TMEM127: variants seen among roughly 807,000 people sequenced by gnomAD.
TMEM127 encodes the protein transmembrane protein 127.
In TMEM127, 21 loss-of-function variants were observed where a neutral mutation model predicts 20.1. That is an observed-to-expected ratio of 1.04 (90% confidence interval 0.74 to 1.50). The LOEUF (loss-of-function observed/expected upper bound fraction) is 1.50, where lower values mean the gene tolerates loss of function less well. Ranked by LOEUF, TMEM127 falls within the 40% of genes most tolerant of loss-of-function variation. The pLI is 0.00. For missense variants in TMEM127, 303 were observed against 317.4 expected, an observed-to-expected ratio of 0.95 and a Z score of 0.34; for synonymous variants, 150 against 144.7, an observed-to-expected ratio of 1.04 and a Z score of -0.26.
chr2:96,248,712 A>T lies in TMEM127; in HGVS notation c.*5096T>A, dbSNP rs561014740. On this transcript the variant is annotated 3_prime_UTR_variant, in exon 4 of 4. Transcript: ENST00000258439. ...GAGGCCCTTTACAAGGCTAGCTGCC[A>T]TTTTCTACCAAGACAGAAGGACAGG... The T allele has an allele frequency of 1.1e-3, 254 of 228,530 alleles. 1 individual carries two copies. Among genetic ancestry groups the T allele is most frequent in the African/African-American group, 5.2e-3 (236 of 45,140 alleles). The allele number at this position is 228,530 out of a possible 1,614,324, so 14.2% of individuals were successfully genotyped here. A position where few individuals can be genotyped will look rare whatever the true frequency, so the allele number is the denominator to read the frequency against.
Position 96,251,073 on chromosome 2 carries a change from A to G in TMEM127, c.*2735T>C. On this transcript the variant is annotated 3_prime_UTR_variant, in exon 4 of 4. Coordinates refer to ENST00000258439, the MANE Select transcript of TMEM127 (RefSeq NM_017849.4). ...TGCAGCCTGAAGAGCTCAGGGTTTG[A>G]AGGTTGGGCCTTGGGCGGGAGTCAG... The G allele has an allele frequency of 4.6e-6, 1 of 218,644 alleles. No homozygotes were observed. The highest frequency in any genetic ancestry group is 9.2e-6 in the Non-Finnish European group (1 of 108,856). The allele number at this position is 218,644 out of a possible 1,614,324, so 13.5% of individuals were successfully genotyped here. A position where few individuals can be genotyped will look rare whatever the true frequency, so the allele number is the denominator to read the frequency against.
Position 96,253,861 on chromosome 2 carries a change from C to T in TMEM127, c.664G>A (p.Ala222Thr), listed in dbSNP as rs747098700. ...SEMEENEPYP[A>T]EYEVINQFQP... ...AACTGGTTGATGACCTCATATTCCG[C>T]CGGGTAGGGCTCGTTCTCTTCCATC... The change falls in exon 4 of 4, where the codon GCG becomes ACG. Residue 222 changes from alanine to threonine, a missense_variant. Ala to Thr is a moderately conservative substitution (Grantham distance 58). Coordinates refer to ENST00000258439, the MANE Select transcript of TMEM127 (RefSeq NM_017849.4). This position sits in a 1 kb window ranked among gnomAD's most constrained non-coding sequence, Gnocchi z 4.3. The T allele has an allele frequency of 6.2e-7, 1 of 1,613,986 alleles. No homozygotes were observed. Among genetic ancestry groups the T allele is most frequent in the Admixed American group, 1.7e-5 (1 of 60,004 alleles).
chr2:96,253,559 C>T lies in TMEM127; in HGVS notation c.*249G>A, dbSNP rs886056446. ...GATGACCTTCCCTGGCTGGTAATGA[C>T]TCGTGAATGTGAAGGGGGCAGGATG... On this transcript the variant is annotated 3_prime_UTR_variant, in exon 4 of 4. Coordinates refer to ENST00000258439, the MANE Select transcript of TMEM127 (RefSeq NM_017849.4). The surrounding 1 kb of genome is among the most constrained non-coding windows in gnomAD (Gnocchi z 4.3). The T allele has an allele frequency of 1.9e-6, 1 of 525,252 alleles. No individual in the cohort carries two copies. The highest frequency in any genetic ancestry group is 3.4e-6 in the Non-Finnish European group (1 of 296,362). The allele number at this position is 525,252 out of a possible 1,614,324, so 32.5% of individuals were successfully genotyped here.
rs1161989972 is a variant in TMEM127, at chr2:96,249,639, C to T, written c.*4169G>A. ...TTTCTCTTCTCCACAAACCTCCTGC[C>T]TCCCATTAAAATGTCACTCCCCCCA... On this transcript the variant is annotated 3_prime_UTR_variant, in exon 4 of 4. Coordinates refer to ENST00000258439, the MANE Select transcript of TMEM127 (RefSeq NM_017849.4). 1 of 232,816 alleles carries T rather than the reference C, an allele frequency of 4.3e-6. No homozygotes were observed. The highest frequency in any genetic ancestry group is 8.5e-6 in the Non-Finnish European group (1 of 117,844). 14.4% of individuals were successfully genotyped at this position (232,816 alleles called of 1,614,324 possible).
intron 2 of TMEM127, 42 bp from the exon 3 acceptor site, chr2:96,255,039 T>G: frequency 6.2e-7 from 1 of 1,612,920 alleles, no homozygotes; most frequent in South Asian, 1.1e-5. Context: ...CAAGTAACAC[T>G]TGGTGCAGGA....
chr2:96,265,190 C>G lies in TMEM127; in HGVS notation c.192G>C (p.Gln64His), dbSNP rs1684389208. ...LHIHGGTCSR[Q>H]ELGVSDVLGY... Reference sequence around the variant, plus strand: ...CCAACACGTCGGAGACCCCCAGCTCCTGGCGCGAACAGGTGCCTCCGTGGA... The same window carrying G: ...CCAACACGTCGGAGACCCCCAGCTCGTGGCGCGAACAGGTGCCTCCGTGGA... Residue 64 changes from glutamine to histidine, a missense_variant, in exon 2 of 4, where the codon CAG becomes CAC. Physicochemically the swap from Gln to His is conservative, Grantham distance 24. Transcript: ENST00000258439. 3.1e-6 allele frequency: 5 copies of G among 1,609,788 alleles called. No homozygotes were observed. Among genetic ancestry groups the G allele is most frequent in the Non-Finnish European group, 4.2e-6 (5 of 1,179,216 alleles).
chr2:96,260,513 C>A (rs1049444761), intron 2 of TMEM127: 1 of 152,216 alleles, frequency 6.6e-6, no homozygotes, highest in Non-Finnish European at 1.5e-5. Flanking sequence ...TGTGCTCTGG[C>A]CTGTTGATTT....
At chr2:96,256,590 AG>A (rs1333203122) in intron 2 of TMEM127, among the ~76,000 whole-genome samples, 1 of 151,628 alleles carries the variant, frequency 6.6e-6, no homozygotes, top group Non-Finnish European at 1.5e-5. Context: ...AAAAAAAAAA[AG>A]TTAAAATGCT....
At position 96,253,351 on chromosome 2, in the gene TMEM127, T is replaced by TG. The variant is rs1558751437; in HGVS notation, c.*456dup. The TG allele has an allele frequency of 8.1e-6, 2 of 245,510 alleles. No individual in the cohort carries two copies. Among genetic ancestry groups the TG allele is most frequent in the African/African-American group, 2.2e-5 (1 of 45,494 alleles). 15.2% of individuals were successfully genotyped at this position (245,510 alleles called of 1,614,324 possible). ...GGGTCACTCCGAGAAGGAAGGGGTC[T>TG]GGGGGGCGTCAGCCCAGAGCTACAG... On this transcript the variant is annotated 3_prime_UTR_variant, in exon 4 of 4. Transcript: ENST00000258439. This position sits in a 1 kb window ranked among gnomAD's most constrained non-coding sequence, Gnocchi z 4.3.
Position 96,265,363 on chromosome 2 carries a change from C to A in TMEM127, c.19G>T (p.Ala7Ser). MYAPGG[A>S]GLPGGRRRRS... Reference sequence around the variant, plus strand: ...CGCCGGCGCCCGCCGGGCAGCCCTGCGCCTCCGGGGGCGTACATGCCCGGG... The same window carrying A: ...CGCCGGCGCCCGCCGGGCAGCCCTGAGCCTCCGGGGGCGTACATGCCCGGG... The change falls in exon 2 of 4, where the codon GCA becomes TCA. Residue 7 changes from alanine to serine, a missense_variant. Physicochemically the swap from Ala to Ser is moderately conservative, Grantham distance 99 (BLOSUM62 1). Coordinates refer to ENST00000258439, the MANE Select transcript of TMEM127 (RefSeq NM_017849.4). 6.7e-7 allele frequency: 1 copy of A among 1,482,520 alleles called. No individual in the cohort carries two copies. The highest frequency in any genetic ancestry group is 8.9e-7 in the Non-Finnish European group (1 of 1,123,372). 91.8% of individuals were successfully genotyped at this position (1,482,520 alleles called of 1,614,324 possible). A position where few individuals can be genotyped will look rare whatever the true frequency, so the allele number is the denominator to read the frequency against.
chr2:96,255,423 T>C (rs1255317990), intron 2 of TMEM127, among the ~76,000 whole-genome samples: 2 of 152,234 alleles, frequency 1.3e-5, no homozygotes, highest in Non-Finnish European at 2.9e-5. Context: ...TGATTCTCCA[T>C]TTACTCACTC....
In TMEM127 at chr2:96,251,711, A is replaced by G. The variant is rs1358567668; in HGVS notation, c.*2097T>C. The G allele has an allele frequency of 8.6e-6, 2 of 232,686 alleles. No homozygotes were observed. The highest frequency in any genetic ancestry group is 6.1e-5 in the East Asian group (1 of 16,436). The allele number at this position is 232,686 out of a possible 1,614,324, so 14.4% of individuals were successfully genotyped here. A position where few individuals can be genotyped will look rare whatever the true frequency, so the allele number is the denominator to read the frequency against. ...CCTTTTAATTTTTTTCTAGAAAAAAAAACACAACCCGGGGAATTTATATGA... is the reference window on the plus strand; with the variant it reads ...CCTTTTAATTTTTTTCTAGAAAAAAGAACACAACCCGGGGAATTTATATGA... On this transcript the variant is annotated 3_prime_UTR_variant, in exon 4 of 4. Coordinates refer to ENST00000258439, the MANE Select transcript of TMEM127 (RefSeq NM_017849.4).
chr2:96,254,010 G>A lies in TMEM127; in HGVS notation c.515C>T (p.Thr172Ile), dbSNP rs2104284617. 1 of 1,614,168 alleles carries A rather than the reference G, an allele frequency of 6.2e-7. No homozygotes were observed. ...KKYHGSQVYV[T>I]FAVSFYLVAG... ...CACCAGGTAGAAGCTAACGGCGAAG[G>A]TGACATAGACCTGGGATCCATGGTA... is the stretch of plus-strand genomic sequence containing the variant. The change falls in exon 4 of 4, where the codon ACC (threonine) becomes ATC (isoleucine). Residue 172 changes from threonine (T) to isoleucine (I), a missense_variant. Coordinates refer to ENST00000258439, the MANE Select transcript of TMEM127 (RefSeq NM_017849.4).
rs1382867034 is a variant in TMEM127 at position 96,250,880 on chromosome 2, T to C, written c.*2928A>G. On this transcript the variant is annotated 3_prime_UTR_variant, in exon 4 of 4. Transcript: ENST00000258439. ...CTAGGGAGTGAAGGAACACGTGAAA[T>C]ACAGAAAATAAAGACAGAAAAACAC... 4.3e-6 allele frequency: 1 copy of C among 230,368 alleles called. No individual in the cohort carries two copies. The highest frequency in any genetic ancestry group is 8.6e-6 in the Non-Finnish European group (1 of 116,428). The allele number at this position is 230,368 out of a possible 1,614,324, so 14.3% of individuals were successfully genotyped here. A position where few individuals can be genotyped will look rare whatever the true frequency, so the allele number is the denominator to read the frequency against.
chr2:96,263,733 AT>A (rs1366834023), intron 2 of TMEM127, among the ~76,000 whole-genome samples: 1 of 151,896 alleles, frequency 6.6e-6, no homozygotes, highest in Non-Finnish European at 1.5e-5. Context: ...GAGATCCTTC[AT>A]TTTTCTGAGC....
chr2:96,259,825 G>A (rs548958185), intron 2 of TMEM127, among the ~76,000 whole-genome samples: 8 of 152,298 alleles, frequency 5.3e-5, no homozygotes, highest in East Asian at 1.9e-4. Context: ...AGCTGACACC[G>A]TGCCCATGAA....
rs1684402688 is a variant in TMEM127, at chr2:96,265,497, T to C, written c.-116A>G. Reference sequence around the variant, plus strand: ...AGCAACGCTCCGGGTTCGCTGCAGGTGAAGCCGGGACTGGGCTGTCAGGGT... The same window carrying C: ...AGCAACGCTCCGGGTTCGCTGCAGGCGAAGCCGGGACTGGGCTGTCAGGGT... On this transcript the variant is annotated 5_prime_UTR_variant, in exon 2 of 4. Coordinates refer to ENST00000258439, the MANE Select transcript of TMEM127 (RefSeq NM_017849.4). 1.6e-6 allele frequency: 2 copies of C among 1,241,834 alleles called. No individual in the cohort carries two copies. The highest frequency in any genetic ancestry group is 2.0e-6 in the Non-Finnish European group (2 of 987,716). 76.9% of individuals were successfully genotyped at this position (1,241,834 alleles called of 1,614,324 possible).
rs542717427 is a variant in TMEM127, at chr2:96,252,666, T to C, written c.*1142A>G. 8.5e-6 allele frequency: 2 copies of C among 233,924 alleles called. No individual in the cohort carries two copies. Among genetic ancestry groups the C allele is most frequent in the African/African-American group, 4.4e-5 (2 of 45,490 alleles). 14.5% of individuals were successfully genotyped at this position (233,924 alleles called of 1,614,324 possible). ...TGTGGGTCTGATGCCTCACATGATGTGGCCCCACTGGTTGTATTCCTATGT... is the reference window on the plus strand; with the variant it reads ...TGTGGGTCTGATGCCTCACATGATGCGGCCCCACTGGTTGTATTCCTATGT... On this transcript the variant is annotated 3_prime_UTR_variant, in exon 4 of 4. Coordinates refer to ENST00000258439, the MANE Select transcript of TMEM127 (RefSeq NM_017849.4). The surrounding 1 kb of genome is among the most constrained non-coding windows in gnomAD (Gnocchi z 4.2).
rs960954298 is a variant in TMEM127 at position 96,248,797 on chromosome 2, T to G, written c.*5011A>C. The G allele has an allele frequency of 4.3e-6, 1 of 231,678 alleles. No individual in the cohort carries two copies. The highest frequency in any genetic ancestry group is 2.2e-5 in the African/African-American group (1 of 45,232). 14.4% of individuals were successfully genotyped at this position (231,678 alleles called of 1,614,324 possible). A position where few individuals can be genotyped will look rare whatever the true frequency, so the allele number is the denominator to read the frequency against. On this transcript the variant is annotated 3_prime_UTR_variant, in exon 4 of 4. Transcript: ENST00000258439. The stretch of plus-strand genomic sequence containing the variant: ...CCTTCAGGCCCCATTCTCAGACACC[T>G]GTACAACCCCTTAAGCCAGACGGAC...
Sources: allele counts gnomAD v4.1 joint callset (sites outside exome capture counted in the v4.1 genomes callset), GRCh38; gene constraint gnomAD v4.1.1; non-coding constraint Gnocchi (gnomAD v3.1); transcripts MANE v1.5; gene names NCBI Gene and HGNC (gene_info 2026-07-23, HGNC 2026-07-21).